Variants in MCM6 observed in about 807,000 individuals in gnomAD.
MCM6 encodes the protein minichromosome maintenance complex component 6, also known as DNA replication licensing factor MCM6.
In MCM6, 46 loss-of-function variants were observed where a neutral mutation model predicts 94.3. That is an observed-to-expected ratio of 0.49 (90% CI 0.39 to 0.62). MCM6 has a LOEUF of 0.62. MCM6 is among the 20% of genes least tolerant of loss of function. MCM6 has a pLI of 0.00. For synonymous variants in MCM6, 335 were observed against 351.9 expected (o/e 0.95, Z 0.54); for missense variants, 865 against 1,017.9 (o/e 0.85, Z 2.04).
intron 8 of MCM6, among the ~76,000 whole-genome samples, chr2:135,860,580 A>T (rs1679972080): frequency 6.6e-6 from 1 of 152,272 alleles, no homozygotes; most frequent in Non-Finnish European, 1.5e-5. Context: ...TCTGAAAATC[A>T]ATCAATATGC....
At chr2:135,842,319 C>A (rs2105569670) in intron 16 of MCM6, among the ~76,000 whole-genome samples, 1 of 152,220 alleles carries the variant, frequency 6.6e-6, no homozygotes, top group Non-Finnish European at 1.5e-5. Context: ...CCTCAATAAT[C>A]ACAGACTGAT....
In MCM6 at chr2:135,870,347, A is replaced by G; in HGVS notation, c.269T>C (p.Leu90Pro). The change falls in exon 3 of 17, where the codon CTG (leucine) becomes CCG (proline). Residue 90 changes from leucine to proline, a missense_variant. Around this residue, in one of 3 missense-constraint regions of MCM6, gnomAD observed 404 missense variants for 451.9 expected, o/e 0.89. Transcript: ENST00000264156. ...GACGAATGTTTTCAAGGCCCGACAC[A>G]GGTAAGGGTAAACTCTGAAAAACAA... ...QEEFYRVYPYLCRALKTFVKD... is the reference protein window; with the variant it reads ...QEEFYRVYPYPCRALKTFVKD... 1 of 1,613,752 alleles carries G rather than the reference A, an allele frequency of 6.2e-7. No individual in the cohort carries two copies. Among genetic ancestry groups the G allele is most frequent in the South Asian group, 1.1e-5 (1 of 91,060 alleles).
Position 135,844,698 on chromosome 2 carries a change from A to C in MCM6, c.2210-14T>G, listed in dbSNP as rs772144139. 1.8e-5 allele frequency: 27 copies of C among 1,530,264 alleles called. No individual in the cohort carries two copies. The highest frequency in any genetic ancestry group is 2.3e-5 in the Non-Finnish European group (26 of 1,146,962). The allele number at this position is 1,530,264 out of a possible 1,614,324, so 94.8% of individuals were successfully genotyped here. The stretch of plus-strand genomic sequence containing the variant: ...ACTCGTCCTCTTCTGCAACAAAAAA[A>C]CACATTCAAATTATCCTAGCAACTC... On this transcript the variant is annotated splice_polypyrimidine_tract_variant and intron_variant, in intron 15 of 16. Coordinates refer to ENST00000264156, the MANE Select transcript of MCM6 (RefSeq NM_005915.6).
intron 10 of MCM6, among the ~76,000 whole-genome samples, 164 bp downstream of exon 10, chr2:135,857,733 A>G (rs1195783505): frequency 6.6e-6 from 1 of 152,250 alleles, no homozygotes; most frequent in Non-Finnish European, 1.5e-5. Flanking sequence ...TACTCTAAAC[A>G]ACATTTATAG....
At chr2:135,843,151 A>C (rs531508867) in intron 16 of MCM6, among the ~76,000 whole-genome samples, 2 of 152,302 alleles carry the variant, frequency 1.3e-5, no homozygotes, top group East Asian at 3.9e-4. Context: ...GTGAGGGGAG[A>C]GTGGAATCAA....
chr2:135,866,337 T>C, intron 5 of MCM6, 60 bp from the exon 6 acceptor site: 6 of 1,585,612 alleles, frequency 3.8e-6, no homozygotes, highest in Non-Finnish European at 5.2e-6. Flanking sequence ...AACATCAAAA[T>C]TGCTCAAATA....
intron 8 of MCM6, 62 bp downstream of exon 8, chr2:135,862,545 C>T: frequency 6.3e-7 from 1 of 1,586,468 alleles, no homozygotes; most frequent in Non-Finnish European, 8.6e-7. Context: ...TTCTTGGTAG[C>T]ACAGCCAGCC....
At chr2:135,867,719 C>G (rs1372111734) in intron 4 of MCM6, among the ~76,000 whole-genome samples, 2 of 152,064 alleles carry the variant, frequency 1.3e-5, no homozygotes, top group African/African-American at 4.8e-5. Context: ...CGGACTTATT[C>G]AGTTTGCTTT....
chr2:135,845,459 T>C (rs951179382), intron 15 of MCM6, among the ~76,000 whole-genome samples: 2 of 152,240 alleles, frequency 1.3e-5, no homozygotes, highest in African/African-American at 2.4e-5. Flanking sequence ...TGAGGCGTCC[T>C]AGTGGCCACT....
Position 135,866,238 on chromosome 2 carries a change from T to C in MCM6, c.821A>G (p.Asp274Gly), listed in dbSNP as rs769824091. Residue 274 changes from aspartate to glycine, a missense_variant, in exon 6 of 17, where the codon GAT becomes GGT. Transcript: ENST00000264156. Reference sequence around the variant, plus strand: ...TCGAATGCCTTCTGTCTCATATCCATCAACACCACTGACACGGGAATTAGT... The same window carrying C: ...TCGAATGCCTTCTGTCTCATATCCACCAACACCACTGACACGGGAATTAGT... ...AETNSRVSGV[D>G]GYETEGIRGL... The C allele has an allele frequency of 6.2e-7, 1 of 1,614,140 alleles. No individual in the cohort carries two copies. Among genetic ancestry groups the C allele is most frequent in the South Asian group, 1.1e-5 (1 of 91,078 alleles).
At chr2:135,871,984 C>T (rs780609358) in intron 2 of MCM6, among the ~76,000 whole-genome samples, 14 of 152,144 alleles carry the variant, frequency 9.2e-5, no homozygotes, top group East Asian at 1.9e-4. Flanking sequence ...AGTACAACAA[C>T]GTCAATGCTG....
Position 135,844,703 on chromosome 2 carries a change from T to C in MCM6, c.2210-19A>G, listed in dbSNP as rs775631352. The C allele has an allele frequency of 2.4e-5, 36 of 1,525,732 alleles. No homozygotes were observed. The South Asian group carries it at 4.3e-4, about 18-fold the overall frequency. The allele number at this position is 1,525,732 out of a possible 1,614,324, so 94.5% of individuals were successfully genotyped here. Reference sequence around the variant, plus strand: ...TCCTCTTCTGCAACAAAAAAACACATTCAAATTATCCTAGCAACTCGTACT... The same window carrying C: ...TCCTCTTCTGCAACAAAAAAACACACTCAAATTATCCTAGCAACTCGTACT... On this transcript the variant is annotated intron_variant, in intron 15 of 16. Coordinates refer to ENST00000264156, the MANE Select transcript of MCM6 (RefSeq NM_005915.6).
Position 135,840,298 on chromosome 2 carries a change from TAATG to T in MCM6, c.*533_*536del, listed in dbSNP as rs1342440709. ...GCCTCTAGCTTTCATATGAGTTCTC[TAATG>T]ACTCCTTCTCATAGAAACCTCATCC... On this transcript the variant is annotated 3_prime_UTR_variant, in exon 17 of 17. Transcript: ENST00000264156. 2 of 151,912 alleles carry T rather than the reference TAATG, an allele frequency of 1.3e-5. No homozygotes were observed. Among genetic ancestry groups the T allele is most frequent in the Non-Finnish European group, 2.9e-5 (2 of 68,012 alleles). The allele number at this position is 151,912 out of a possible 1,614,324, so 9.4% of individuals were successfully genotyped here. A position where few individuals can be genotyped will look rare whatever the true frequency, so the allele number is the denominator to read the frequency against.
At chr2:135,861,765 C>T (rs375862380) in intron 8 of MCM6, among the ~76,000 whole-genome samples, 43 of 152,180 alleles carry the variant, frequency 2.8e-4, no homozygotes, top group African/African-American at 9.6e-4. Context: ...TACAGGCGCC[C>T]GCCACCACAC....
At chr2:135,864,738 T>A (rs1369840269) in intron 7 of MCM6, among the ~76,000 whole-genome samples, 1 of 152,218 alleles carries the variant, frequency 6.6e-6, no homozygotes, top group Non-Finnish European at 1.5e-5. Flanking sequence ...CAGAACTTTG[T>A]CATCATCCCA....
intron 7 of MCM6, 106 bp downstream of exon 7, chr2:135,864,907 T>G: frequency 1.1e-6 from 1 of 871,802 alleles, no homozygotes; most frequent in Non-Finnish European, 1.6e-6. Flanking sequence ...TCAGACCCAC[T>G]AAAAACTTTC....
At chr2:135,850,535 T>G (rs1679761362) in intron 13 of MCM6, among the ~76,000 whole-genome samples, 1 of 152,196 alleles carries the variant, frequency 6.6e-6, no homozygotes, top group African/African-American at 2.4e-5. Flanking sequence ...CAAAGAATAT[T>G]AAATAACCTA....
intron 15 of MCM6, among the ~76,000 whole-genome samples, chr2:135,845,004 C>T (rs1679643557): frequency 6.6e-6 from 1 of 152,146 alleles, no homozygotes; most frequent in Admixed American, 6.6e-5. Flanking sequence ...GCTTCACCAC[C>T]TCTGAGAATG....
chr2:135,874,803 A>G (rs1001826245), intron 1 of MCM6, among the ~76,000 whole-genome samples: 5 of 152,242 alleles, frequency 3.3e-5, no homozygotes, highest in African/African-American at 1.2e-4. Flanking sequence ...AGCGTTTCAG[A>G]AAAGGGATAC....
Sources: gnomAD v4.1 joint callset for allele counts (sites outside exome capture counted in the v4.1 genomes callset) on GRCh38, gnomAD v4.1.1 for gene constraint, gnomAD v4.1.1 regional missense constraint, MANE v1.5 for transcripts, NCBI Gene and HGNC (gene_info 2026-07-23, HGNC 2026-07-21) for gene names.